ATP1A3: variants seen among roughly 807,000 people sequenced by gnomAD.
ATP1A3 encodes ATPase Na+/K+ transporting subunit alpha 3.
In ATP1A3, 12 loss-of-function variants were observed where a neutral mutation model predicts 108.8. The observed-to-expected ratio is 0.11, with a 90% CI of 0.07 to 0.18. The LOEUF (loss-of-function observed/expected upper bound fraction) is 0.18, where lower values mean the gene tolerates loss of function less well. ATP1A3 is among the 10% of genes least tolerant of loss of function. The pLI is 1.00. For missense variants in ATP1A3, 498 were observed against 1,387.7 expected, an observed-to-expected ratio of 0.36 and a Z score of 10.19; for synonymous variants, 539 against 564.5, an observed-to-expected ratio of 0.95 and a Z score of 0.64.
chr19:41,988,725 C>T lies in ATP1A3; in HGVS notation c.7-163G>A. The T allele has an allele frequency of 6.9e-7, 1 of 1,445,706 alleles. No homozygotes were observed. The highest frequency in any genetic ancestry group is 1.4e-5 in the African/African-American group (1 of 70,374). The allele number at this position is 1,445,706 out of a possible 1,614,324, so 89.6% of individuals were successfully genotyped here. On this transcript the variant is annotated intron_variant, in intron 1 of 22. Coordinates refer to ENST00000648268, the MANE Select transcript of ATP1A3 (RefSeq NM_152296.5). This position sits in a 1 kb window ranked among gnomAD's most constrained non-coding sequence, Gnocchi z 5.3. ...TGCCTCTCGGGGTCTCCCTGTGTCTCCCGGAGCCTCTGGGTGACTTCACCT... is the reference window on the plus strand; with the variant it reads ...TGCCTCTCGGGGTCTCCCTGTGTCTTCCGGAGCCTCTGGGTGACTTCACCT...
intron 14 of ATP1A3, among the ~76,000 whole-genome samples, chr19:41,977,665 C>T (rs1265995351): frequency 1.3e-5 from 2 of 152,148 alleles, no homozygotes; most frequent in East Asian, 3.9e-4. Context: ...CCCCACTGCA[C>T]TCCAGCCTGG....
In ATP1A3 at chr19:41,988,471, C is replaced by T. The variant is rs372694213; in HGVS notation, c.93+5G>A. 1.5e-5 allele frequency: 24 copies of T among 1,614,194 alleles called. No individual in the cohort carries two copies. In the African/African-American group the frequency reaches 3.1e-4, roughly 21 times the overall value. ...GAGGGTGTGCGGGCAGAGGGCGAGG[C>T]TTACCATAGCCACCTCCTTCTTGAG... On this transcript the variant is annotated splice_donor_5th_base_variant and intron_variant, in intron 2 of 22. Coordinates refer to ENST00000648268, the MANE Select transcript of ATP1A3 (RefSeq NM_152296.5). The surrounding 1 kb of genome is among the most constrained non-coding windows in gnomAD (Gnocchi z 5.3).
Position 41,985,537 on chromosome 19 carries a change from T to G in ATP1A3, c.607-114A>C. 1 of 1,118,802 alleles carries G rather than the reference T, an allele frequency of 8.9e-7. No homozygotes were observed. The highest frequency in any genetic ancestry group is 1.3e-6 in the Non-Finnish European group (1 of 743,538). 69.3% of individuals were successfully genotyped at this position (1,118,802 alleles called of 1,614,324 possible). On this transcript the variant is annotated intron_variant, in intron 6 of 22. Coordinates refer to ENST00000648268, the MANE Select transcript of ATP1A3 (RefSeq NM_152296.5). This position sits in a 1 kb window ranked among gnomAD's most constrained non-coding sequence, Gnocchi z 8.2. ...TGCCTGGAGATCACAGCTAGAAGCC[T>G]GGGTGCCCAGTGGGTGAGTGGTGTG...
In ATP1A3 at chr19:41,993,930, G is replaced by T. The variant is rs1421792334; in HGVS notation, c.6+141C>A. ...TGCGGCCCCACGACCACATGGATTGGCTGGGTCAGCCGGCTCCCCGGGTCT... is the reference window on the plus strand; with the variant it reads ...TGCGGCCCCACGACCACATGGATTGTCTGGGTCAGCCGGCTCCCCGGGTCT... On this transcript the variant is annotated intron_variant, in intron 1 of 22. Coordinates refer to ENST00000648268, the MANE Select transcript of ATP1A3 (RefSeq NM_152296.5). The T allele has an allele frequency of 7.4e-6, 11 of 1,479,384 alleles. No individual in the cohort carries two copies. In the African/African-American group the frequency reaches 9.9e-5, roughly 13 times the overall value. The allele number at this position is 1,479,384 out of a possible 1,614,324, so 91.6% of individuals were successfully genotyped here.
intron 4 of ATP1A3, 91 bp downstream of exon 4, chr19:41,987,845 T>C: frequency 6.7e-7 from 1 of 1,494,684 alleles, no homozygotes; most frequent in Non-Finnish European, 9.2e-7. Context: ...GAGTGGGCTG[T>C]GAAAAGCTTA....
intron 1 of ATP1A3, among the ~76,000 whole-genome samples, chr19:41,991,417 G>T (rs372233335): frequency 6.6e-6 from 1 of 152,202 alleles, no homozygotes; most frequent in Non-Finnish European, 1.5e-5. Context: ...TCTCAGATGC[G>T]GAGGCACAGA....
chr19:41,993,755 T>C (rs2075362359), intron 1 of ATP1A3: 2 of 605,748 alleles, frequency 3.3e-6, no homozygotes, highest in Admixed American at 6.0e-5. Flanking sequence ...TGCCAGGGCC[T>C]GACAGAGCCA....
At position 41,978,989 on chromosome 19, in the gene ATP1A3, C is replaced by CTT. The variant is rs1208003797; in HGVS notation, c.1438-193_1438-192dup. The stretch of plus-strand genomic sequence containing the variant: ...ATGTCATGGATATATATTTCTTTTT[C>CTT]TTTTTCTTTTTTTCTTTTTTCTTTT... On this transcript the variant is annotated intron_variant, in intron 11 of 22. Transcript: ENST00000648268. This position sits in a 1 kb window ranked among gnomAD's most constrained non-coding sequence, Gnocchi z 8.3. Among the ~76,000 whole-genome samples the CTT allele has an allele frequency of 6.6e-6, 1 of 151,750 alleles. No individual in the cohort carries two copies. The highest frequency in any genetic ancestry group is 1.9e-4 in the East Asian group (1 of 5,184).
Position 41,988,079 on chromosome 19 carries a change from G to A in ATP1A3, c.214C>T (p.Pro72Ser), listed in dbSNP as rs782292182. 6.2e-7 allele frequency: 1 copy of A among 1,614,178 alleles called. No homozygotes were observed. Among genetic ancestry groups the A allele is most frequent in the African/African-American group, 1.3e-5 (1 of 75,040 alleles). ...LARDGPNALTPPPTTPEWVKF... is the reference protein window; with the variant it reads ...LARDGPNALTSPPTTPEWVKF... ...ACCCACTCTGGGGTGGTAGGCGGTG[G>A]CGTGAGTGCGTTAGGCCCATCCCGG... Residue 72 changes from proline to serine, a missense_variant, in exon 4 of 23, where the codon CCA becomes TCA. Physicochemically the swap from Pro to Ser is moderately conservative, Grantham distance 74. Coordinates refer to ENST00000648268, the MANE Select transcript of ATP1A3 (RefSeq NM_152296.5). This position sits in a 1 kb window ranked among gnomAD's most constrained non-coding sequence, Gnocchi z 5.3.
At chr19:41,972,488 C>G (rs571698208) in intron 16 of ATP1A3, among the ~76,000 whole-genome samples, 1 of 151,774 alleles carries the variant, frequency 6.6e-6, no homozygotes, top group African/African-American at 2.4e-5. Flanking sequence ...AAAGAACAGG[C>G]GGGCACGGTG....
Position 41,978,384 on chromosome 19 carries a change from G to A in ATP1A3, c.1631-58C>T. The A allele has an allele frequency of 1.3e-6, 2 of 1,544,326 alleles. No individual in the cohort carries two copies. The highest frequency in any genetic ancestry group is 2.4e-5 in the East Asian group (1 of 41,734). On this transcript the variant is annotated intron_variant, in intron 12 of 22. Transcript: ENST00000648268. This position sits in a 1 kb window ranked among gnomAD's most constrained non-coding sequence, Gnocchi z 8.3. ...CCCAGCCTCGGAACCTCCGCCCCAT[G>A]CCCCTAGATGTCTGCATCGCCCGCA...
intron 1 of ATP1A3, among the ~76,000 whole-genome samples, chr19:41,992,497 G>T (rs1026273610): frequency 1.3e-5 from 2 of 151,990 alleles, no homozygotes; most frequent in African/African-American, 2.4e-5. Context: ...CTTCCCCCTC[G>T]CAGGGGACCT....
intron 1 of ATP1A3, chr19:41,993,303 G>T: frequency 7.6e-7 from 1 of 1,318,152 alleles, no homozygotes; most frequent in Non-Finnish European, 1.1e-6. Flanking sequence ...AGGACACACG[G>T]ACACAGAGGC....
intron 16 of ATP1A3, among the ~76,000 whole-genome samples, chr19:41,971,580 G>A (rs2075110182): frequency 1.3e-5 from 2 of 152,156 alleles, no homozygotes. Context: ...GAAGGGGCGA[G>A]CTACGGACAC....
chr19:41,973,002 G>A (rs889592838), intron 16 of ATP1A3, among the ~76,000 whole-genome samples: 2 of 152,172 alleles, frequency 1.3e-5, no homozygotes, highest in South Asian at 2.1e-4. Flanking sequence ...GGCCTGGGCC[G>A]CTCCCACCTG....
rs10406450 is a variant in ATP1A3 at position 41,971,846 on chromosome 19, C to G, written c.2264-1304G>C. Reference sequence around the variant, plus strand: ...GTGTACATGTGTAAAAATTTATACACCCTGTCTGGTTGAATATTTTAATGA... The same window carrying G: ...GTGTACATGTGTAAAAATTTATACAGCCTGTCTGGTTGAATATTTTAATGA... On this transcript the variant is annotated intron_variant, in intron 16 of 22. Coordinates refer to ENST00000648268, the MANE Select transcript of ATP1A3 (RefSeq NM_152296.5). 4.0e-3 allele frequency among the ~76,000 whole-genome samples: 614 copies of G among 152,218 alleles called. 8 individuals carry two copies. Among genetic ancestry groups the G allele is most frequent in the African/African-American group, 0.014 (583 of 41,508 alleles).
chr19:41,993,143 CA>C, intron 1 of ATP1A3: 1 of 352,292 alleles, frequency 2.8e-6, no homozygotes, highest in Admixed American at 3.8e-5. Flanking sequence ...CTCTTCATCC[CA>C]CCTACCCCCA....
chr19:41,981,639 G>T lies in ATP1A3; in HGVS notation c.1303-3C>A, dbSNP rs772461657. 1.2e-6 allele frequency: 2 copies of T among 1,614,192 alleles called. No homozygotes were observed. Among genetic ancestry groups the T allele is most frequent in the Non-Finnish European group, 1.7e-6 (2 of 1,180,032 alleles). ...GACGCATCCCCAGCCACATCCCTCTGCAAGGAGAAAGGGTTGTCAGAACAG... is the reference window on the plus strand; with the variant it reads ...GACGCATCCCCAGCCACATCCCTCTTCAAGGAGAAAGGGTTGTCAGAACAG... On this transcript the variant is annotated splice_region_variant and splice_polypyrimidine_tract_variant and intron_variant, in intron 10 of 22. Coordinates refer to ENST00000648268, the MANE Select transcript of ATP1A3 (RefSeq NM_152296.5). This position sits in a 1 kb window ranked among gnomAD's most constrained non-coding sequence, Gnocchi z 5.0.
chr19:41,970,291 C>T lies in ATP1A3; in HGVS notation c.2436G>A (p.Leu812=). 6.2e-7 allele frequency: 1 copy of T among 1,614,126 alleles called. No homozygotes were observed. Among genetic ancestry groups the T allele is most frequent in the Non-Finnish European group, 8.5e-7 (1 of 1,180,022 alleles). The change falls in exon 18 of 23, where the codon CTG becomes CTA. Residue 812 remains leucine (L), a synonymous_variant. Coordinates refer to ENST00000648268, the MANE Select transcript of ATP1A3 (RefSeq NM_152296.5). ...TGTCGCTTTCGGCAGCCTCGTACGC[C>T]AGTGAGATGGCAGGGACCTAGGCGG... is the stretch of plus-strand genomic sequence containing the variant. ...LGTDMVPAIS[L]AYEAAESDIM...
Sources: allele counts gnomAD v4.1 joint callset (sites outside exome capture counted in the v4.1 genomes callset), GRCh38; gene constraint gnomAD v4.1.1; non-coding constraint Gnocchi (gnomAD v3.1); transcripts MANE v1.5; gene names NCBI Gene and HGNC (gene_info 2026-07-23, HGNC 2026-07-21).